LMNTD1: variants seen among roughly 807,000 people sequenced by gnomAD.
LMNTD1 encodes lamin tail domain containing 1.
LMNTD1 carries 35 observed loss-of-function variants against 50.9 expected under a neutral mutation model. The observed-to-expected ratio is 0.69, with a 90% confidence interval of 0.53 to 0.91. The LOEUF (loss-of-function observed/expected upper bound fraction) is 0.91. Among genes scored for constraint, LMNTD1 ranks in the 40% least tolerant of loss-of-function variants. LMNTD1 has a pLI of 0.00. For synonymous variants in LMNTD1, 153 were observed against 161.9 expected, an observed-to-expected ratio of 0.94 and a Z score of 0.42; for missense variants, 470 against 475.5, an observed-to-expected ratio of 0.99 and a Z score of 0.11.
chr12:25,503,398 A>G (rs2135946851), intron 9 of LMNTD1, among the ~76,000 whole-genome samples: 1 of 152,308 alleles, frequency 6.6e-6, no homozygotes, highest in Non-Finnish European at 1.5e-5. Flanking sequence ...ATAGGAATTA[A>G]AATGTACTGG....
intron 8 of LMNTD1, among the ~76,000 whole-genome samples, chr12:25,516,639 A>G (rs919013736): frequency 3.9e-5 from 6 of 152,168 alleles, no homozygotes; most frequent in Middle Eastern, 3.2e-3. Flanking sequence ...GAGACCTTCA[A>G]TTTCAGAACC....
chr12:25,532,174 G>C (rs924877060), intron 4 of LMNTD1, among the ~76,000 whole-genome samples: 1 of 151,820 alleles, frequency 6.6e-6, no homozygotes, highest in Non-Finnish European at 1.5e-5. Flanking sequence ...TTGTTTGTTT[G>C]TTTTTGTTTA....
In LMNTD1 at chr12:25,549,083, C is replaced by G. The variant is rs567326727; in HGVS notation, c.310+243G>C. Among the ~76,000 whole-genome samples, 949 of 152,088 alleles carry G rather than the reference C, an allele frequency of 6.2e-3. 2 individuals are homozygous for G. Among genetic ancestry groups the G allele is most frequent in the South Asian group, 7.7e-3 (37 of 4,818 alleles). On this transcript the variant is annotated intron_variant, in intron 3 of 9. Coordinates refer to ENST00000458174, the MANE Select transcript of LMNTD1 (RefSeq NM_001145728.2). ...GTCAACTCATGAACCATCATGATAA[C>G]TCAAGATACCTTAATTATAAGGATG...
intron 8 of LMNTD1, among the ~76,000 whole-genome samples, chr12:25,506,374 T>C (rs1939780059): frequency 1.3e-5 from 2 of 152,072 alleles, no homozygotes; most frequent in Non-Finnish European, 2.9e-5. Flanking sequence ...CTGCAGTATA[T>C]GAGATGGATT....
At chr12:25,508,618 T>C (rs1940008194) in intron 8 of LMNTD1, among the ~76,000 whole-genome samples, 1 of 152,224 alleles carries the variant, frequency 6.6e-6, no homozygotes, top group Non-Finnish European at 1.5e-5. Flanking sequence ...CACATATGTA[T>C]ATATTTGTTA....
intron 1 of LMNTD1, among the ~76,000 whole-genome samples, chr12:25,623,883 ATCTGACTGCCATGGCCTGC>A (rs1472042889): frequency 2.2e-4 from 34 of 152,132 alleles, no homozygotes; most frequent in Admixed American, 3.3e-4. Context: ...CCAGCTTTGG[ATCTGACTGCCATGGCCTGC>A]TCTTTGCTGC....
chr12:25,477,272 T>C (rs775596494), intron 9 of LMNTD1, among the ~76,000 whole-genome samples: 1 of 152,002 alleles, frequency 6.6e-6, no homozygotes, highest in Non-Finnish European at 1.5e-5. Context: ...TATTTTAACA[T>C]ACGAAGGAGC....
chr12:25,545,173 A>G (rs1403352086), intron 4 of LMNTD1, among the ~76,000 whole-genome samples: 1 of 151,640 alleles, frequency 6.6e-6, no homozygotes, highest in East Asian at 1.9e-4. Context: ...GAATTCTCTT[A>G]GCTTTTGTTT....
chr12:25,591,845 G>GAGAGAGAGAGAGAA (rs1324025879), intron 1 of LMNTD1, among the ~76,000 whole-genome samples: 3 of 151,790 alleles, frequency 2.0e-5, no homozygotes, highest in South Asian at 2.1e-4. Flanking sequence ...GAGAGAGAGA[G>GAGAGAGAGAGAGAA]AGAGAGAGAG....
chr12:25,608,523 G>T (rs987338467), intron 1 of LMNTD1, among the ~76,000 whole-genome samples: 4 of 152,170 alleles, frequency 2.6e-5, no homozygotes, highest in African/African-American at 9.7e-5. Context: ...TGTAAGGCAG[G>T]CCTGGTGGTG....
chr12:25,489,402 C>G (rs372402991), intron 9 of LMNTD1, among the ~76,000 whole-genome samples: 1 of 151,636 alleles, frequency 6.6e-6, no homozygotes, highest in Non-Finnish European at 1.5e-5. Context: ...CAGGTGCGTC[C>G]GTCACCCCTT....
At chr12:25,527,715 CACACAT>C (rs1192608458) in intron 4 of LMNTD1, among the ~76,000 whole-genome samples, 4 of 121,840 alleles carry the variant, frequency 3.3e-5, no homozygotes, top group African/African-American at 5.9e-5. Context: ...CACACACACA[CACACAT>C]ATACACACAT....
At chr12:25,620,382 T>C (rs1240754992) in intron 1 of LMNTD1, among the ~76,000 whole-genome samples, 1 of 152,068 alleles carries the variant, frequency 6.6e-6, no homozygotes, top group Non-Finnish European at 1.5e-5. Context: ...TAAAATATAC[T>C]TTTAAAATAC....
At chr12:25,637,895 A>G (rs911533909) in intron 1 of LMNTD1, among the ~76,000 whole-genome samples, 2 of 152,098 alleles carry the variant, frequency 1.3e-5, no homozygotes, top group African/African-American at 4.8e-5. Context: ...AAAACCAAAG[A>G]CATCACAAGA....
intron 4 of LMNTD1, among the ~76,000 whole-genome samples, chr12:25,536,309 A>T (rs1942577055): frequency 1.3e-5 from 2 of 152,212 alleles, no homozygotes; most frequent in African/African-American, 4.8e-5. Flanking sequence ...TACCAGAATA[A>T]TTAATATCCT....
chr12:25,521,627 T>C (rs551445329), intron 6 of LMNTD1, among the ~76,000 whole-genome samples: 3 of 152,308 alleles, frequency 2.0e-5, no homozygotes, highest in South Asian at 2.1e-4. Flanking sequence ...AACTGCTTTA[T>C]TGAAGTGTTG....
intron 1 of LMNTD1, among the ~76,000 whole-genome samples, chr12:25,565,994 C>G (rs919228125): frequency 6.6e-6 from 1 of 152,112 alleles, no homozygotes; most frequent in Non-Finnish European, 1.5e-5. Flanking sequence ...TAGGTTATTT[C>G]TTTTCTCTTA....
At chr12:25,500,869 T>C (rs181818064) in intron 9 of LMNTD1, among the ~76,000 whole-genome samples, 24 of 152,254 alleles carry the variant, frequency 1.6e-4, no homozygotes, top group Admixed American at 1.2e-3. Flanking sequence ...AGGTACTGAG[T>C]AAGGAGAGCA....
intron 8 of LMNTD1, among the ~76,000 whole-genome samples, chr12:25,518,421 GA>G (rs1940966298): frequency 6.6e-6 from 1 of 152,220 alleles, no homozygotes; most frequent in Admixed American, 6.5e-5. Context: ...AGTGTGTTTG[GA>G]AAAGGTGGAA....
Sources: allele counts gnomAD v4.1 joint callset (sites outside exome capture counted in the v4.1 genomes callset), GRCh38; gene constraint gnomAD v4.1.1; transcripts MANE v1.5; gene names NCBI Gene and HGNC (gene_info 2026-07-23, HGNC 2026-07-21).